SOBP: variants seen among roughly 807,000 people sequenced by gnomAD.
SOBP encodes sine oculis-binding protein homolog.
SOBP carries 4 observed loss-of-function variants against 53.6 expected under a neutral mutation model. The observed-to-expected ratio is 0.07, with a 90% confidence interval of 0.04 to 0.17. The LOEUF (loss-of-function observed/expected upper bound fraction) is 0.17. Ranked by LOEUF, SOBP falls within the 10% of genes least tolerant of loss-of-function variation. The pLI is 1.00. For synonymous variants in SOBP, 584 were observed against 522.6 expected (o/e 1.12, Z -1.60); for missense variants, 1,088 against 1,204.7 (o/e 0.90, Z 1.43).
At chr6:107,505,941 T>C (rs1443567805) in intron 2 of SOBP, among the ~76,000 whole-genome samples, 1 of 152,072 alleles carries the variant, frequency 6.6e-6, no homozygotes, top group Admixed American at 6.6e-5. Flanking sequence ...GTGAGCCACC[T>C]TGCCCAGCCA....
Position 107,635,592 on chromosome 6 carries a change from C to T in SOBP, c.*3+123C>T. The T allele has an allele frequency of 7.5e-7, 1 of 1,331,536 alleles. No individual in the cohort carries two copies. Among genetic ancestry groups the T allele is most frequent in the Non-Finnish European group, 1.1e-6 (1 of 950,730 alleles). 82.5% of individuals were successfully genotyped at this position (1,331,536 alleles called of 1,614,324 possible). ...TACCGTGTGTGTTTTATATTGCACA[C>T]GGTGTGGTCACGCTATCAACATTCT... is the stretch of plus-strand genomic sequence containing the variant. On this transcript the variant is annotated intron_variant, in intron 6 of 6. Transcript: ENST00000317357. This position sits in a 1 kb window ranked among gnomAD's most constrained non-coding sequence, Gnocchi z 4.5.
Position 107,635,517 on chromosome 6 carries a change from CCTTA to C in SOBP, c.*3+52_*3+55del, listed in dbSNP as rs778545401. The C allele has an allele frequency of 6.2e-6, 10 of 1,606,946 alleles. No individual in the cohort carries two copies. The highest frequency in any genetic ancestry group is 1.1e-5 in the South Asian group (1 of 90,540). On this transcript the variant is annotated intron_variant, in intron 6 of 6. Coordinates refer to ENST00000317357, the MANE Select transcript of SOBP (RefSeq NM_018013.4). The surrounding 1 kb of genome is among the most constrained non-coding windows in gnomAD (Gnocchi z 4.5). ...CCTCCACACCAGCCAGTGCACCTCT[CCTTA>C]CTTCTGACAAGGCAGAGGGGAGAGT...
chr6:107,634,299 GCCGAGTCTT>G lies in SOBP; in HGVS notation c.1458_1466del (p.Ser487_Pro489del). 1 of 1,566,650 alleles carries G rather than the reference GCCGAGTCTT, an allele frequency of 6.4e-7. No individual in the cohort carries two copies. Among genetic ancestry groups the G allele is most frequent in the South Asian group, 1.1e-5 (1 of 87,336 alleles). On this transcript the variant is annotated inframe_deletion, in exon 6 of 7. Coordinates refer to ENST00000317357, the MANE Select transcript of SOBP (RefSeq NM_018013.4). This position sits in a 1 kb window ranked among gnomAD's most constrained non-coding sequence, Gnocchi z 4.5. ...CCCCGCCGCCTCCGGGCGCCCCGCT[GCCGAGTCTT>G]CCCTTCCCGCCAGTGAGCATGATGC...
chr6:107,501,777 G>A (rs1782848563), intron 1 of SOBP, among the ~76,000 whole-genome samples: 1 of 152,126 alleles, frequency 6.6e-6, no homozygotes, highest in Non-Finnish European at 1.5e-5. Context: ...ATTGAGTGGG[G>A]CAGTGTTCAA....
chr6:107,535,636 TG>T (rs372950960), intron 4 of SOBP, among the ~76,000 whole-genome samples: 27 of 145,508 alleles, frequency 1.9e-4, no homozygotes, highest in East Asian at 9.9e-4. Flanking sequence ...TGTGTGTGTG[TG>T]TTTTTTTTTT....
chr6:107,548,489 G>A (rs1253238732), intron 4 of SOBP, among the ~76,000 whole-genome samples: 10 of 152,026 alleles, frequency 6.6e-5, no homozygotes, highest in African/African-American at 1.7e-4. Context: ...TGATGCGCCC[G>A]CCTTGGCCTC....
chr6:107,627,558 G>T (rs2115130860), intron 5 of SOBP, among the ~76,000 whole-genome samples: 1 of 152,240 alleles, frequency 6.6e-6, no homozygotes, highest in Non-Finnish European at 1.5e-5. Context: ...ATGTTCTTTA[G>T]CCTCTCCTTG....
Position 107,659,481 on chromosome 6 carries a change from AAAAG to A in SOBP, c.*1282_*1285del, listed in dbSNP as rs1462909328. 2 of 152,354 alleles carry A rather than the reference AAAAG, an allele frequency of 1.3e-5. No homozygotes were observed. The highest frequency in any genetic ancestry group is 2.9e-5 in the Non-Finnish European group (2 of 68,012). The allele number at this position is 152,354 out of a possible 1,614,324, so 9.4% of individuals were successfully genotyped here. ...TCTGATGAGTACAGAAAAAAAAAGA[AAAAG>A]AAAAGAAGAGAAAAAATTAAGAAAA... On this transcript the variant is annotated 3_prime_UTR_variant, in exon 7 of 7. Transcript: ENST00000317357.
chr6:107,595,410 T>C (rs1785913242), intron 5 of SOBP, among the ~76,000 whole-genome samples: 1 of 147,052 alleles, frequency 6.8e-6, no homozygotes, highest in Admixed American at 7.0e-5. Context: ...GCTTGAACTA[T>C]TTTGGTTTGT....
At chr6:107,544,509 C>T (rs1483089982) in intron 4 of SOBP, among the ~76,000 whole-genome samples, 1 of 152,272 alleles carries the variant, frequency 6.6e-6, no homozygotes, top group Non-Finnish European at 1.5e-5. Context: ...GGCACAGTCC[C>T]ATGAGAACCT....
chr6:107,586,201 G>A (rs1163762701), intron 4 of SOBP, among the ~76,000 whole-genome samples: 1 of 152,196 alleles, frequency 6.6e-6, no homozygotes, highest in African/African-American at 2.4e-5. Context: ...CATATGTGAG[G>A]GAGACAGCTC....
At chr6:107,524,980 C>A (rs1020580267) in intron 3 of SOBP, among the ~76,000 whole-genome samples, 1 of 152,204 alleles carries the variant, frequency 6.6e-6, no homozygotes. Flanking sequence ...AACAAAATGT[C>A]CTGCTGTAAA....
intron 4 of SOBP, among the ~76,000 whole-genome samples, chr6:107,574,036 G>A (rs1458792588): frequency 1.3e-5 from 2 of 152,200 alleles, no homozygotes; most frequent in African/African-American, 4.8e-5. Flanking sequence ...ATAAGTGAAT[G>A]AATGGAGACC....
chr6:107,518,126 T>A (rs765392150), intron 3 of SOBP, among the ~76,000 whole-genome samples: 48 of 152,152 alleles, frequency 3.2e-4, no homozygotes, highest in Admixed American at 1.3e-4. Flanking sequence ...ATATTGACAA[T>A]GTATAAAGAA....
chr6:107,540,600 C>T (rs532945895), intron 4 of SOBP, among the ~76,000 whole-genome samples: 1 of 152,198 alleles, frequency 6.6e-6, no homozygotes, highest in Non-Finnish European at 1.5e-5. Context: ...CTGGGCTCTG[C>T]TACAAGCTCT....
chr6:107,530,653 A>G (rs1783795962), intron 3 of SOBP, among the ~76,000 whole-genome samples: 1 of 152,226 alleles, frequency 6.6e-6, no homozygotes, highest in Admixed American at 6.5e-5. Context: ...TGCTGATAAC[A>G]GTTTAATACT....
At chr6:107,505,544 A>T (rs999109696) in intron 2 of SOBP, among the ~76,000 whole-genome samples, 1 of 151,940 alleles carries the variant, frequency 6.6e-6, no homozygotes, top group Admixed American at 6.6e-5. Flanking sequence ...GCTGGTTTCA[A>T]ACTCCTGGCC....
intron 5 of SOBP, among the ~76,000 whole-genome samples, chr6:107,619,594 G>A (rs1326548356): frequency 3.3e-5 from 5 of 152,074 alleles, no homozygotes; most frequent in Admixed American, 2.6e-4. Context: ...TCAGTGGTAG[G>A]GTCGGTGGGG....
intron 3 of SOBP, among the ~76,000 whole-genome samples, chr6:107,530,136 T>C (rs767155614): frequency 5.3e-5 from 8 of 152,186 alleles, no homozygotes; most frequent in Non-Finnish European, 1.2e-4. Flanking sequence ...ATCTCAAGTC[T>C]CTAATGGCAC....
Sources: gnomAD v4.1 joint callset for allele counts (sites outside exome capture counted in the v4.1 genomes callset) on GRCh38, gnomAD v4.1.1 for gene constraint, Gnocchi (gnomAD v3.1) non-coding constraint, MANE v1.5 for transcripts, NCBI Gene and HGNC (gene_info 2026-07-23, HGNC 2026-07-21) for gene names.